Variants in SPOCK1 observed in about 807,000 individuals in gnomAD.
SPOCK1 encodes the protein testican-1.
Under a neutral mutation model 55.3 loss-of-function variants are expected in SPOCK1, and 23 were observed. The ratio of observed to expected loss-of-function variants is 0.42; its 90% confidence interval spans 0.30 to 0.59. The LOEUF is 0.59. SPOCK1 is among the 20% of genes least tolerant of loss of function. The probability of loss-of-function intolerance (pLI) is 0.22; values close to 1 mark genes in which losing one functional copy is unlikely to be tolerated. For synonymous variants in SPOCK1, 226 were observed against 221.0 expected, an observed-to-expected ratio of 1.02 and a Z score of -0.20; for missense variants, 499 against 552.5, an observed-to-expected ratio of 0.90 and a Z score of 0.97.
At chr5:137,319,238 T>C (rs554200458) in intron 2 of SPOCK1, among the ~76,000 whole-genome samples, 1 of 152,332 alleles carries the variant, frequency 6.6e-6, no homozygotes, top group East Asian at 1.9e-4. Context: ...TCCAGGGAAA[T>C]TGCATTTTGA....
At chr5:137,452,973 C>T (rs972606344) in intron 2 of SPOCK1, among the ~76,000 whole-genome samples, 7 of 152,120 alleles carry the variant, frequency 4.6e-5, no homozygotes, top group African/African-American at 7.2e-5. Flanking sequence ...CCTAAGAATC[C>T]AGGACACCTT....
Position 137,007,616 on chromosome 5 carries a change from G to A in SPOCK1, c.590-15016C>T, listed in dbSNP as rs754315314. On this transcript the variant is annotated intron_variant, in intron 6 of 10. Coordinates refer to ENST00000394945, the MANE Select transcript of SPOCK1 (RefSeq NM_004598.4). ...ACCATCTCAGGCCAGTTAGAATGGC[G>A]CTCATTAAAAAGTCAGGAAACAAAA... 6.6e-5 allele frequency among the ~76,000 whole-genome samples: 10 copies of A among 152,206 alleles called. No individual in the cohort carries two copies. In the South Asian group the frequency reaches 8.3e-4, roughly 13 times the overall value.
intron 2 of SPOCK1, among the ~76,000 whole-genome samples, chr5:137,483,985 G>A (rs933649671): frequency 6.6e-6 from 1 of 152,180 alleles, no homozygotes; most frequent in Non-Finnish European, 1.5e-5. Context: ...GAAACATTGG[G>A]TAATGAAAAT....
At chr5:137,471,530 T>C (rs1300320372) in intron 2 of SPOCK1, among the ~76,000 whole-genome samples, 1 of 152,218 alleles carries the variant, frequency 6.6e-6, no homozygotes, top group Non-Finnish European at 1.5e-5. Flanking sequence ...TCTGTGCATC[T>C]ACATTTGCCA....
chr5:137,118,124 C>T (rs1251496504), intron 4 of SPOCK1, among the ~76,000 whole-genome samples: 2 of 152,208 alleles, frequency 1.3e-5, no homozygotes, highest in African/African-American at 4.8e-5. Flanking sequence ...GTTAACAGTA[C>T]TGCCCAGAAT....
chr5:137,023,543 C>G lies in SPOCK1; in HGVS notation c.590-30943G>C, dbSNP rs539480595. ...AAATCTGAAACACATAAAACATGCT[C>G]CGAGAAAAGTGACATGAAAAGTGTG... is the stretch of plus-strand genomic sequence containing the variant. On this transcript the variant is annotated intron_variant, in intron 6 of 10. Transcript: ENST00000394945. Among the ~76,000 whole-genome samples, 186 of 152,178 alleles carry G rather than the reference C, an allele frequency of 1.2e-3. 2 individuals are homozygous for G. The highest frequency in any genetic ancestry group is 1.4e-3 in the Non-Finnish European group (94 of 68,002).
intron 3 of SPOCK1, among the ~76,000 whole-genome samples, chr5:137,144,846 G>A (rs935739853): frequency 4.6e-5 from 7 of 152,240 alleles, no homozygotes; most frequent in Admixed American, 2.0e-4. Context: ...GCCCTGAGCA[G>A]AGTTCAAAGT....
Position 136,979,519 on chromosome 5 carries a change from C to T in SPOCK1, c.992-50G>A, listed in dbSNP as rs1308676936. Reference sequence around the variant, plus strand: ...TAATCAGAGACATGCAGATGATACTCGGGGTTAATGCCCGTCAACACAGGG... The same window carrying T: ...TAATCAGAGACATGCAGATGATACTTGGGGTTAATGCCCGTCAACACAGGG... On this transcript the variant is annotated intron_variant, in intron 9 of 10. Coordinates refer to ENST00000394945, the MANE Select transcript of SPOCK1 (RefSeq NM_004598.4). The T allele has an allele frequency of 1.4e-5, 23 of 1,596,878 alleles. No individual in the cohort carries two copies. The East Asian group carries it at 3.4e-4, about 23-fold the overall frequency.
At chr5:137,160,875 C>T (rs1452400757) in intron 3 of SPOCK1, among the ~76,000 whole-genome samples, 3 of 144,986 alleles carry the variant, frequency 2.1e-5, no homozygotes, top group African/African-American at 7.6e-5. Context: ...TACTGAGTAT[C>T]TACCCAGAGG....
At chr5:136,980,611 C>T (rs1370548518) in intron 9 of SPOCK1, among the ~76,000 whole-genome samples, 1 of 152,196 alleles carries the variant, frequency 6.6e-6, no homozygotes, top group Non-Finnish European at 1.5e-5. Context: ...CACACGCTCT[C>T]TTGCCTTCCG....
intron 5 of SPOCK1, among the ~76,000 whole-genome samples, chr5:137,091,742 A>T (rs534091724): frequency 6.4e-4 from 97 of 152,254 alleles, no homozygotes; most frequent in African/African-American, 2.2e-3. Context: ...GCATTCCCAG[A>T]GCTGGGCACA....
intron 2 of SPOCK1, among the ~76,000 whole-genome samples, chr5:137,391,146 G>A (rs1239005119): frequency 6.6e-6 from 1 of 152,054 alleles, no homozygotes; most frequent in Non-Finnish European, 1.5e-5. Flanking sequence ...GCGAGAACAC[G>A]CAGTGTCTGG....
intron 2 of SPOCK1, among the ~76,000 whole-genome samples, chr5:137,277,091 T>C (rs1757082049): frequency 6.6e-6 from 1 of 152,164 alleles, no homozygotes; most frequent in Non-Finnish European, 1.5e-5. Context: ...TGTAGGTCAC[T>C]GTAACCTGGA....
intron 3 of SPOCK1, among the ~76,000 whole-genome samples, chr5:137,162,404 G>A (rs1754576193): frequency 6.6e-6 from 1 of 152,096 alleles, no homozygotes; most frequent in Non-Finnish European, 1.5e-5. Context: ...CTCCTGAAGT[G>A]CTGGGATTAC....
At chr5:137,316,909 G>A (rs1757890407) in intron 2 of SPOCK1, among the ~76,000 whole-genome samples, 1 of 152,322 alleles carries the variant, frequency 6.6e-6, no homozygotes, top group South Asian at 2.1e-4. Flanking sequence ...GCCTTTGGAG[G>A]AGATCCATTT....
chr5:136,979,584 C>A (rs1750687020), intron 9 of SPOCK1, 115 bp from the exon 10 acceptor site: 1 of 1,367,764 alleles, frequency 7.3e-7, no homozygotes, highest in Admixed American at 2.2e-5. Flanking sequence ...GCAGGGTCAG[C>A]AGCAGAGGAT....
At chr5:137,263,656 T>A (rs1756794338) in intron 3 of SPOCK1, among the ~76,000 whole-genome samples, 1 of 152,218 alleles carries the variant, frequency 6.6e-6, no homozygotes, top group Non-Finnish European at 1.5e-5. Context: ...ATTTCTCACC[T>A]GAGTTAATCA....
intron 3 of SPOCK1, among the ~76,000 whole-genome samples, chr5:137,159,091 T>C (rs1754477295): frequency 6.6e-6 from 1 of 152,062 alleles, no homozygotes; most frequent in Non-Finnish European, 1.5e-5. Flanking sequence ...GGGAGGCTGG[T>C]CTCAGGAAGC....
intron 2 of SPOCK1, among the ~76,000 whole-genome samples, chr5:137,497,118 C>T (rs763400222): frequency 7.2e-5 from 11 of 152,130 alleles, no homozygotes; most frequent in Non-Finnish European, 1.5e-4. Context: ...GTCTCAAATT[C>T]CCTCTCCCTG....
Sources: allele counts gnomAD v4.1 joint callset (sites outside exome capture counted in the v4.1 genomes callset), GRCh38; gene constraint gnomAD v4.1.1; transcripts MANE v1.5; gene names NCBI Gene and HGNC (gene_info 2026-07-23, HGNC 2026-07-21).